Variants in ADAM12 observed in about 807,000 individuals in gnomAD.
ADAM12 encodes disintegrin and metalloproteinase domain-containing protein 12.
A neutral mutation model predicts 106.4 loss-of-function variants in ADAM12; 70 were observed. That is an observed-to-expected ratio of 0.66 (90% CI 0.54 to 0.80). The LOEUF (loss-of-function observed/expected upper bound fraction) is 0.80, where lower values mean the gene tolerates loss of function less well. Among genes scored for constraint, ADAM12 ranks in the 30% least tolerant of loss-of-function variants. The pLI is 0.00. For synonymous variants in ADAM12, 420 were observed against 433.5 expected (o/e 0.97, Z 0.39); for missense variants, 1,010 against 1,171.9 (o/e 0.86, Z 2.02).
intron 6 of ADAM12, among the ~76,000 whole-genome samples, chr10:126,112,292 G>A (rs1302221292): frequency 3.3e-5 from 5 of 151,434 alleles, no homozygotes; most frequent in Non-Finnish European, 7.4e-5. Context: ...CATGGCACAC[G>A]TATACCTATG....
chr10:126,372,751 C>T (rs1856153138), intron 1 of ADAM12, among the ~76,000 whole-genome samples: 1 of 152,220 alleles, frequency 6.6e-6, no homozygotes, highest in Admixed American at 6.5e-5. Flanking sequence ...CTTTCTGCCT[C>T]CCTCTTTTGA....
intron 16 of ADAM12, among the ~76,000 whole-genome samples, chr10:126,047,265 C>T (rs773702759): frequency 1.4e-4 from 21 of 152,206 alleles, no homozygotes; most frequent in Non-Finnish European, 7.4e-5. Flanking sequence ...GGTCACCATC[C>T]GACCCCAACA....
At chr10:126,112,173 T>C (rs1303844754) in intron 6 of ADAM12, among the ~76,000 whole-genome samples, 1 of 151,176 alleles carries the variant, frequency 6.6e-6, no homozygotes. Flanking sequence ...AGTTGAACAA[T>C]AAGAACACAT....
intron 3 of ADAM12, among the ~76,000 whole-genome samples, chr10:126,267,480 G>A (rs562306052): frequency 6.6e-6 from 1 of 152,332 alleles, no homozygotes; most frequent in South Asian, 2.1e-4. Flanking sequence ...CCATCTGGGG[G>A]TGATGGGAGA....
chr10:126,232,400 C>A (rs954511644), intron 3 of ADAM12, among the ~76,000 whole-genome samples: 1 of 152,164 alleles, frequency 6.6e-6, no homozygotes, highest in Non-Finnish European at 1.5e-5. Flanking sequence ...CCCACCCACA[C>A]CTTGGTTGTA....
chr10:126,029,360 C>A (rs1953934902), intron 21 of ADAM12, among the ~76,000 whole-genome samples: 1 of 151,898 alleles, frequency 6.6e-6, no homozygotes, highest in Non-Finnish European at 1.5e-5. Context: ...CAGTGATATA[C>A]TGGGTAAGAA....
intron 2 of ADAM12, among the ~76,000 whole-genome samples, chr10:126,294,107 T>C (rs1157346373): frequency 6.6e-6 from 1 of 152,188 alleles, no homozygotes; most frequent in Non-Finnish European, 1.5e-5. Flanking sequence ...TAATGCCTCA[T>C]AAAATGCGCT....
chr10:126,240,269 C>T (rs1958497041), intron 3 of ADAM12, among the ~76,000 whole-genome samples: 1 of 152,222 alleles, frequency 6.6e-6, no homozygotes, highest in Non-Finnish European at 1.5e-5. Context: ...AATATTCATT[C>T]CACAGCACTC....
chr10:126,094,131 G>A lies in ADAM12; in HGVS notation c.999C>T (p.Asp333=), dbSNP rs1457050319. ...TADQSGGIVM[D]HSDNPLGAAV... is the part of the protein sequence containing the mutation. Reference sequence around the variant, plus strand: ...CTGCACCAAGGGGATTGTCTGAATGGTCCTCAAAGAAAACACAAAAGTACA... The same window carrying A: ...CTGCACCAAGGGGATTGTCTGAATGATCCTCAAAGAAAACACAAAAGTACA... Residue 333 remains aspartate (D), a splice_region_variant and synonymous_variant, in exon 11 of 23, where the codon GAC becomes GAT. Transcript: ENST00000448723. 1.2e-6 allele frequency: 2 copies of A among 1,613,488 alleles called. No individual in the cohort carries two copies. The highest frequency in any genetic ancestry group is 2.2e-5 in the East Asian group (1 of 44,884).
intron 3 of ADAM12, among the ~76,000 whole-genome samples, chr10:126,268,737 T>G (rs569878893): frequency 4.6e-5 from 7 of 152,320 alleles, no homozygotes; most frequent in African/African-American, 1.7e-4. Context: ...ATAACGAGTT[T>G]GAAGTAAACA....
chr10:126,068,742 T>C (rs1236444304), intron 12 of ADAM12, among the ~76,000 whole-genome samples: 1 of 152,228 alleles, frequency 6.6e-6, no homozygotes, highest in Admixed American at 6.5e-5. Flanking sequence ...GCTACATTGA[T>C]TATTTTAGTC....
chr10:126,344,073 G>A (rs1405086459), intron 1 of ADAM12, among the ~76,000 whole-genome samples: 23 of 152,168 alleles, frequency 1.5e-4, no homozygotes, highest in African/African-American at 5.1e-4. Context: ...TGCTTTTGGC[G>A]TTTTAGACAT....
At chr10:126,276,622 T>A (rs1959258422) in intron 3 of ADAM12, among the ~76,000 whole-genome samples, 1 of 152,222 alleles carries the variant, frequency 6.6e-6, no homozygotes, top group South Asian at 2.1e-4. Flanking sequence ...ACTTTTCATA[T>A]AATGGAATTT....
intron 2 of ADAM12, among the ~76,000 whole-genome samples, chr10:126,325,763 AT>A (rs1854279222): frequency 6.6e-6 from 1 of 152,164 alleles, no homozygotes; most frequent in Non-Finnish European, 1.5e-5. Flanking sequence ...TGAAATTGGA[AT>A]TTGGTTCCTA....
chr10:126,210,823 A>G (rs535362492), intron 3 of ADAM12, among the ~76,000 whole-genome samples: 1 of 152,286 alleles, frequency 6.6e-6, no homozygotes, highest in African/African-American at 2.4e-5. Flanking sequence ...ATAGGGCAGG[A>G]GCAAGGCTGT....
In ADAM12 at chr10:126,109,803, T is replaced by C; in HGVS notation, c.641A>G (p.Glu214Gly). 2 of 1,613,012 alleles carry C rather than the reference T, an allele frequency of 1.2e-6. No individual in the cohort carries two copies. The highest frequency in any genetic ancestry group is 1.1e-5 in the South Asian group (1 of 90,988). The change falls in exon 7 of 23, where the codon GAG becomes GGG. Residue 214 changes from glutamate (E) to glycine (G), a missense_variant. By Grantham distance (98) the Glu-to-Gly change is moderately conservative. Around this residue, in one of 3 missense-constraint regions of ADAM12, gnomAD observed 391 missense variants for 442.9 expected, o/e 0.88. Transcript: ENST00000448723. The part of the protein sequence containing the change: ...RETLKATKYV[E>G]LVIVADNREF... The stretch of plus-strand genomic sequence containing the variant: ...TCGGTTGTCTGCCACGATCACCAGC[T>C]CCACATACTTAGTTGCCTTGAGGGT...
At position 126,014,517 on chromosome 10, in the gene ADAM12, A is replaced by G. The variant is rs1468645473; in HGVS notation, c.*2762T>C. 6.6e-6 allele frequency: 1 copy of G among 151,246 alleles called. No individual in the cohort carries two copies. The highest frequency in any genetic ancestry group is 1.5e-5 in the Non-Finnish European group (1 of 67,888). 9.4% of individuals were successfully genotyped at this position (151,246 alleles called of 1,614,324 possible). A position where few individuals can be genotyped will look rare whatever the true frequency, so the allele number is the denominator to read the frequency against. On this transcript the variant is annotated 3_prime_UTR_variant, in exon 23 of 23. Transcript: ENST00000448723. The stretch of plus-strand genomic sequence containing the variant: ...TCTGTGATGTCATCCCACATGTGTA[A>G]GCTGGAAAAATCCACGCTGTGAAAT...
At chr10:126,158,651 GTT>G (rs1956871651) in intron 3 of ADAM12, among the ~76,000 whole-genome samples, 17 of 85,442 alleles carry the variant, frequency 2.0e-4, no homozygotes, top group Non-Finnish European at 3.2e-4. Flanking sequence ...CAGAGCATGG[GTT>G]GGGGGATGCA....
At chr10:126,090,002 C>T (rs1955432125) in intron 11 of ADAM12, among the ~76,000 whole-genome samples, 1 of 152,082 alleles carries the variant, frequency 6.6e-6, no homozygotes, top group South Asian at 2.1e-4. Flanking sequence ...GTTGCCCATG[C>T]TGGTCTTGAA....
Sources: gnomAD v4.1 joint callset for allele counts (sites outside exome capture counted in the v4.1 genomes callset) on GRCh38, gnomAD v4.1.1 for gene constraint, gnomAD v4.1.1 regional missense constraint, MANE v1.5 for transcripts, NCBI Gene and HGNC (gene_info 2026-07-23, HGNC 2026-07-21) for gene names.